Variants in LEKR1 observed in about 807,000 individuals in gnomAD.
LEKR1 encodes leucine, glutamate and lysine rich 1, also known as protein LEKR1.
Under a neutral mutation model 72.4 loss-of-function variants are expected in LEKR1, and 59 were observed. That is an observed-to-expected ratio of 0.82 (90% confidence interval 0.66 to 1.01). The LOEUF is 1.01. Ranked by LOEUF, LEKR1 falls within the 50% of genes least tolerant of loss-of-function variation. The pLI is 0.00. For missense variants in LEKR1, 728 were observed against 759.2 expected, an observed-to-expected ratio of 0.96 and a Z score of 0.48; for synonymous variants, 257 against 263.2, an observed-to-expected ratio of 0.98 and a Z score of 0.23.
chr3:156,858,494 GA>G (rs1188990793), intron 3 of LEKR1, among the ~76,000 whole-genome samples: 1 of 151,970 alleles, frequency 6.6e-6, no homozygotes, highest in Non-Finnish European at 1.5e-5. Flanking sequence ...CCAACATGGT[GA>G]AACCCCGTTC....
chr3:156,898,727 G>A (rs1721462556), intron 3 of LEKR1, among the ~76,000 whole-genome samples: 1 of 152,036 alleles, frequency 6.6e-6, no homozygotes, highest in Non-Finnish European at 1.5e-5. Flanking sequence ...TTTGGAATGC[G>A]ATGGGGAGCT....
At chr3:156,829,719 C>T (rs1712115739) in intron 2 of LEKR1, among the ~76,000 whole-genome samples, 1 of 152,294 alleles carries the variant, frequency 6.6e-6, no homozygotes, top group East Asian at 1.9e-4. Flanking sequence ...CATTAATTCT[C>T]AGTACTTACT....
At chr3:156,928,098 A>G (rs1432361062) in intron 5 of LEKR1, among the ~76,000 whole-genome samples, 3 of 152,060 alleles carry the variant, frequency 2.0e-5, no homozygotes, top group African/African-American at 7.2e-5. Context: ...GGAAAAGACA[A>G]AACTATGGAA....
At chr3:156,939,578 G>A (rs1359883909) in intron 5 of LEKR1, among the ~76,000 whole-genome samples, 1 of 152,130 alleles carries the variant, frequency 6.6e-6, no homozygotes, top group Non-Finnish European at 1.5e-5. Context: ...GTCCAAAACA[G>A]AAACAGCATT....
intron 12 of LEKR1, among the ~76,000 whole-genome samples, chr3:157,041,629 C>T (rs973526362): frequency 4.6e-5 from 7 of 152,242 alleles, no homozygotes; most frequent in African/African-American, 1.7e-4. Context: ...CCTTGAAAAC[C>T]TCATTGCCCC....
At chr3:156,857,175 T>C (rs1296875302) in intron 3 of LEKR1, among the ~76,000 whole-genome samples, 2 of 152,142 alleles carry the variant, frequency 1.3e-5, no homozygotes, top group African/African-American at 4.8e-5. Context: ...GAGATGATCA[T>C]ATGATTTGTT....
intron 3 of LEKR1, among the ~76,000 whole-genome samples, chr3:156,863,647 T>A (rs561632671): frequency 6.6e-6 from 1 of 152,136 alleles, no homozygotes; most frequent in Admixed American, 6.6e-5. Context: ...ACAACTCTTA[T>A]ATCCATTTTA....
intron 6 of LEKR1, among the ~76,000 whole-genome samples, chr3:156,969,833 C>A (rs574880539): frequency 2.8e-4 from 43 of 152,056 alleles, no homozygotes; most frequent in Non-Finnish European, 5.3e-4. Flanking sequence ...AGAGAATTTT[C>A]GACCAATATC....
intron 5 of LEKR1, among the ~76,000 whole-genome samples, chr3:156,941,434 C>T (rs1726190142): frequency 6.6e-6 from 1 of 152,088 alleles, no homozygotes; most frequent in Non-Finnish European, 1.5e-5. Flanking sequence ...TGCTTTACTT[C>T]TCCTATAACC....
intron 2 of LEKR1, among the ~76,000 whole-genome samples, chr3:156,846,867 C>T (rs1714668403): frequency 6.6e-6 from 1 of 151,782 alleles, no homozygotes; most frequent in Non-Finnish European, 1.5e-5. Flanking sequence ...GGCTGGAGTG[C>T]AGCAGCACCA....
rs1304294474 is a variant in LEKR1, at chr3:156,933,114, G to A, written c.559+5510G>A. On this transcript the variant is annotated intron_variant, in intron 5 of 12. Transcript: ENST00000356539. The stretch of plus-strand genomic sequence containing the variant: ...TAGTCATATTCTTTGGACCTTTAGT[G>A]TTCTTCTACTGACTTTTAACTGCCA... Among the ~76,000 whole-genome samples, 3 of 152,260 alleles carry A rather than the reference G, an allele frequency of 2.0e-5. No homozygotes were observed. In the East Asian group the frequency reaches 5.8e-4, roughly 29 times the overall value.
At chr3:156,877,523 A>G (rs549389652) in intron 3 of LEKR1, among the ~76,000 whole-genome samples, 9 of 151,956 alleles carry the variant, frequency 5.9e-5, no homozygotes, top group African/African-American at 9.6e-5. Flanking sequence ...CAGAGTTTCT[A>G]TTTCTTCCTA....
intron 3 of LEKR1, among the ~76,000 whole-genome samples, chr3:156,885,986 G>T (rs1373929798): frequency 6.6e-6 from 1 of 152,180 alleles, no homozygotes; most frequent in Non-Finnish European, 1.5e-5. Flanking sequence ...TAAGTATTTT[G>T]GTTTCTCGGG....
At chr3:156,924,733 A>C (rs1303452777) in intron 4 of LEKR1, 1 of 401,732 alleles carries the variant, frequency 2.5e-6, no homozygotes, top group African/African-American at 2.1e-5. Context: ...TTGCCTCAGC[A>C]TCTTTGCCTA....
At chr3:156,901,431 C>A (rs1722025764) in intron 3 of LEKR1, among the ~76,000 whole-genome samples, 1 of 152,190 alleles carries the variant, frequency 6.6e-6, no homozygotes. Context: ...CACTTGAGAA[C>A]AGGTGCCATT....
At chr3:157,039,568 G>A (rs1038253136) in intron 12 of LEKR1, among the ~76,000 whole-genome samples, 9 of 152,326 alleles carry the variant, frequency 5.9e-5, no homozygotes, top group East Asian at 5.8e-4. Context: ...ATAATGAGCC[G>A]TGATCGTGCT....
At chr3:156,899,837 CAT>C (rs1721828457) in intron 3 of LEKR1, among the ~76,000 whole-genome samples, 1 of 149,910 alleles carries the variant, frequency 6.7e-6, no homozygotes, top group Non-Finnish European at 1.5e-5. Flanking sequence ...TATATATGTA[CAT>C]ATGTGTATAT....
intron 3 of LEKR1, among the ~76,000 whole-genome samples, chr3:156,883,134 C>A (rs1438194787): frequency 1.3e-5 from 2 of 151,336 alleles, no homozygotes; most frequent in East Asian, 3.9e-4. Flanking sequence ...CACATGTACC[C>A]TAAAACTTAA....
At chr3:156,971,804 C>G (rs1729223983) in intron 6 of LEKR1, among the ~76,000 whole-genome samples, 1 of 152,140 alleles carries the variant, frequency 6.6e-6, no homozygotes, top group Admixed American at 6.5e-5. Flanking sequence ...CCATCTCACA[C>G]CAGTTAGAAT....
Sources: allele counts gnomAD v4.1 joint callset (sites outside exome capture counted in the v4.1 genomes callset), GRCh38; gene constraint gnomAD v4.1.1; transcripts MANE v1.5; gene names NCBI Gene and HGNC (gene_info 2026-07-23, HGNC 2026-07-21).